Variants in JMJD1C observed in about 807,000 individuals in gnomAD.
JMJD1C encodes jumonji domain-containing protein 1C.
JMJD1C carries 31 observed loss-of-function variants against 245.3 expected under a neutral mutation model. The observed-to-expected ratio is 0.13, with a 90% CI of 0.09 to 0.17. JMJD1C has a LOEUF of 0.17. Ranked by LOEUF, JMJD1C falls within the 10% of genes least tolerant of loss-of-function variation. The probability of loss-of-function intolerance (pLI) is 1.00; values close to 1 mark genes in which losing one functional copy is unlikely to be tolerated. For missense variants in JMJD1C, 2,691 were observed against 3,000.2 expected, an observed-to-expected ratio of 0.90 and a Z score of 2.41; for synonymous variants, 1,057 against 1,017.4, an observed-to-expected ratio of 1.04 and a Z score of -0.74.
At chr10:63,222,648 G>C in intron 3 of JMJD1C, 3 of 1,550,954 alleles carry the variant, frequency 1.9e-6, no homozygotes, top group South Asian at 1.1e-5. Context: ...AAAAGAAATA[G>C]AGATCGGTGT....
At chr10:63,483,814 A>C (rs770188790) in intron 1 of JMJD1C, among the ~76,000 whole-genome samples, 2 of 152,200 alleles carry the variant, frequency 1.3e-5, no homozygotes, top group African/African-American at 2.4e-5. Context: ...ACTGTGATTC[A>C]TTTTTAATTT....
chr10:63,424,031 A>G, intron 1 of JMJD1C, among the ~76,000 whole-genome samples: 1 of 152,126 alleles, frequency 6.6e-6, no homozygotes, highest in East Asian at 1.9e-4. Flanking sequence ...TATATTCTGC[A>G]TATTAAACCA....
At chr10:63,285,995 T>C (rs1361451056) in intron 2 of JMJD1C, among the ~76,000 whole-genome samples, 1 of 149,232 alleles carries the variant, frequency 6.7e-6, no homozygotes, top group East Asian at 2.0e-4. Context: ...CCTGTTGTAA[T>C]TAACAATGCA....
At chr10:63,343,559 A>C (rs570114121) in intron 2 of JMJD1C, among the ~76,000 whole-genome samples, 4 of 152,230 alleles carry the variant, frequency 2.6e-5, no homozygotes, top group African/African-American at 9.6e-5. Context: ...CTTCTACTCT[A>C]ATCATCTTAG....
chr10:63,394,890 T>C (rs984325615), intron 1 of JMJD1C, among the ~76,000 whole-genome samples: 1 of 148,928 alleles, frequency 6.7e-6, no homozygotes, highest in Non-Finnish European at 1.5e-5. Context: ...ATTGGAAACG[T>C]TTTACTCTGT....
At chr10:63,291,814 A>G (rs1040855581) in intron 2 of JMJD1C, among the ~76,000 whole-genome samples, 4 of 152,158 alleles carry the variant, frequency 2.6e-5, no homozygotes, top group Admixed American at 6.5e-5. Context: ...CCTAGTCTCT[A>G]TAATAAAGCT....
chr10:63,270,566 G>T (rs1165767083), intron 2 of JMJD1C, among the ~76,000 whole-genome samples: 1 of 151,778 alleles, frequency 6.6e-6, no homozygotes, highest in Non-Finnish European at 1.5e-5. Context: ...TCCTGGGCTC[G>T]AGCGATCCTC....
intron 1 of JMJD1C, among the ~76,000 whole-genome samples, chr10:63,460,095 T>A (rs1052819459): frequency 1.3e-5 from 2 of 152,202 alleles, no homozygotes; most frequent in Non-Finnish European, 2.9e-5. Context: ...TTCTATTCTG[T>A]AAGTTAGCTT....
intron 2 of JMJD1C, among the ~76,000 whole-genome samples, chr10:63,269,522 A>C (rs886780235): frequency 2.0e-5 from 3 of 152,212 alleles, no homozygotes; most frequent in Non-Finnish European, 4.4e-5. Context: ...ACATGTGACT[A>C]TCTCTCAAGT....
chr10:63,400,262 G>A (rs954333847), intron 1 of JMJD1C, among the ~76,000 whole-genome samples: 3 of 152,006 alleles, frequency 2.0e-5, no homozygotes, highest in Non-Finnish European at 2.9e-5. Context: ...CTATCTTTAA[G>A]GCATACTCCT....
chr10:63,330,063 G>A (rs1460009854), intron 2 of JMJD1C, among the ~76,000 whole-genome samples: 3 of 152,152 alleles, frequency 2.0e-5, no homozygotes, highest in African/African-American at 7.2e-5. Context: ...ACCACGCCCG[G>A]CTAATTTTTT....
chr10:63,442,225 A>G (rs1951433692), intron 1 of JMJD1C, among the ~76,000 whole-genome samples: 1 of 152,236 alleles, frequency 6.6e-6, no homozygotes, highest in African/African-American at 2.4e-5. Flanking sequence ...AGGATGTCCT[A>G]GACTGCCAGG....
intron 2 of JMJD1C, among the ~76,000 whole-genome samples, chr10:63,349,981 A>G (rs1251563341): frequency 2.0e-5 from 3 of 152,212 alleles, no homozygotes; most frequent in African/African-American, 7.2e-5. Context: ...GCTTGTAACT[A>G]AAAAGTAAAG....
At chr10:63,318,677 A>T (rs9414795) in intron 2 of JMJD1C, among the ~76,000 whole-genome samples, 2,264 of 147,178 alleles carry the variant, frequency 0.015, 48 homozygotes, top group African/African-American at 0.054. Flanking sequence ...ACTGGAATTT[A>T]AAAAAAAAAA....
At chr10:63,269,167 T>C in intron 2 of JMJD1C, 1 of 985,462 alleles carries the variant, frequency 1.0e-6, no homozygotes, top group African/African-American at 1.7e-5. Context: ...GTACTCTGTC[T>C]GCGTGGAAAC....
chr10:63,391,120 T>C (rs555801729), intron 1 of JMJD1C, among the ~76,000 whole-genome samples: 2 of 152,196 alleles, frequency 1.3e-5, no homozygotes, highest in East Asian at 1.9e-4. Context: ...AAAAACCTCA[T>C]AGAACTGATC....
chr10:63,273,844 C>A (rs1264666129), intron 2 of JMJD1C, among the ~76,000 whole-genome samples: 1 of 152,170 alleles, frequency 6.6e-6, no homozygotes, highest in African/African-American at 2.4e-5. Flanking sequence ...GAAGGCAACA[C>A]TGCCTGCCTA....
At chr10:63,409,597 A>G (rs1014139737) in intron 1 of JMJD1C, among the ~76,000 whole-genome samples, 2 of 152,206 alleles carry the variant, frequency 1.3e-5, no homozygotes, top group Non-Finnish European at 2.9e-5. Context: ...GGTCAGTGGA[A>G]GAATGACTAT....
At chr10:63,484,666 G>A (rs983119397) in intron 1 of JMJD1C, among the ~76,000 whole-genome samples, 12 of 151,462 alleles carry the variant, frequency 7.9e-5, no homozygotes, top group African/African-American at 2.9e-4. Context: ...GGCAAGAATA[G>A]ATGTTTTACT....
Sources: allele counts gnomAD v4.1 joint callset (sites outside exome capture counted in the v4.1 genomes callset), GRCh38; gene constraint gnomAD v4.1.1; transcripts MANE v1.5; gene names NCBI Gene and HGNC (gene_info 2026-07-23, HGNC 2026-07-21).